CSGALNACT1: variants seen among roughly 807,000 people sequenced by gnomAD.
CSGALNACT1 encodes beta4GalNAcT-1.
Under a neutral mutation model 51.0 loss-of-function variants are expected in CSGALNACT1, and 52 were observed. The ratio of observed to expected loss-of-function variants is 1.02; its 90% confidence interval spans 0.82 to 1.29. The LOEUF is 1.29. Among genes scored for constraint, CSGALNACT1 ranks in the 50% most tolerant of loss-of-function variants. The pLI is 0.00. For missense variants in CSGALNACT1, 935 were observed against 679.2 expected, an observed-to-expected ratio of 1.38 and a Z score of -4.19; for synonymous variants, 341 against 254.4, an observed-to-expected ratio of 1.34 and a Z score of -3.24.
At chr8:19,544,289 A>G (rs1291364179) in intron 3 of CSGALNACT1, among the ~76,000 whole-genome samples, 1 of 152,164 alleles carries the variant, frequency 6.6e-6, no homozygotes, top group Non-Finnish European at 1.5e-5. Context: ...CTCTAATCCA[A>G]TCTTAAGGAA....
At chr8:19,664,961 A>G (rs1458208348) in intron 1 of CSGALNACT1, among the ~76,000 whole-genome samples, 1 of 152,228 alleles carries the variant, frequency 6.6e-6, no homozygotes, top group African/African-American at 2.4e-5. Context: ...TGGCTACAGT[A>G]AAAGTACAGA....
chr8:19,653,654 T>C (rs888834462), intron 1 of CSGALNACT1, among the ~76,000 whole-genome samples: 3 of 152,064 alleles, frequency 2.0e-5, no homozygotes, highest in African/African-American at 7.2e-5. Flanking sequence ...AATTTGTGGG[T>C]GTGGTGACAC....
intron 6 of CSGALNACT1, among the ~76,000 whole-genome samples, chr8:19,429,550 A>G (rs569158552): frequency 6.6e-6 from 1 of 152,254 alleles, no homozygotes; most frequent in South Asian, 2.1e-4. Context: ...TGCAGCATAC[A>G]TTAGTACTTC....
intron 4 of CSGALNACT1, among the ~76,000 whole-genome samples, chr8:19,498,322 C>A (rs2075826295): frequency 6.6e-6 from 1 of 152,166 alleles, no homozygotes; most frequent in Non-Finnish European, 1.5e-5. Context: ...GGTGCAGGAC[C>A]ACATCCACAA....
chr8:19,453,651 C>T (rs1012301226), intron 5 of CSGALNACT1, among the ~76,000 whole-genome samples: 2 of 152,194 alleles, frequency 1.3e-5, no homozygotes, highest in Non-Finnish European at 1.5e-5. Context: ...GTGGCTCACA[C>T]TTATAATCCC....
intron 1 of CSGALNACT1, among the ~76,000 whole-genome samples, chr8:19,724,426 T>A (rs894469725): frequency 2.6e-5 from 4 of 152,242 alleles, no homozygotes; most frequent in African/African-American, 4.8e-5. Context: ...AATGGCTGGC[T>A]GAGTTTTTCT....
At position 19,508,151 on chromosome 8, in the gene CSGALNACT1, A is replaced by C. The variant is rs545396804; in HGVS notation, c.-296-2021T>G. On this transcript the variant is annotated intron_variant, in intron 3 of 9. Transcript: ENST00000454498. Reference sequence around the variant, plus strand: ...ACCGATGAGAAGAAGAGCTCAGCCCAGTCAATTCACACGTTCAGGACCCTT... The same window carrying C: ...ACCGATGAGAAGAAGAGCTCAGCCCCGTCAATTCACACGTTCAGGACCCTT... Among the ~76,000 whole-genome samples the C allele has an allele frequency of 1.7e-3, 257 of 152,382 alleles. 2 individuals are homozygous for C. Among genetic ancestry groups the C allele is most frequent in the Admixed American group, 3.6e-3 (55 of 15,310 alleles).
intron 4 of CSGALNACT1, 37 bp from the exon 4 acceptor site, chr8:19,458,679 A>C (rs764741675): frequency 3.1e-6 from 5 of 1,598,326 alleles, no homozygotes; most frequent in Non-Finnish European, 3.4e-6. Flanking sequence ...AGTTCTAAAA[A>C]TTAACCTTGG....
At chr8:19,414,549 C>G (rs1419469310) in intron 8 of CSGALNACT1, among the ~76,000 whole-genome samples, 1 of 151,786 alleles carries the variant, frequency 6.6e-6, no homozygotes, top group East Asian at 1.9e-4. Flanking sequence ...TGAATTACTG[C>G]TGGTCTATAC....
intron 1 of CSGALNACT1, among the ~76,000 whole-genome samples, chr8:19,703,743 T>C (rs531570256): frequency 1.3e-5 from 2 of 152,348 alleles, no homozygotes; most frequent in East Asian, 1.9e-4. Context: ...GTCTCCCTGA[T>C]TGATACAAAG....
Position 19,474,869 on chromosome 8 carries a change from G to GAA in CSGALNACT1, c.635-16229_635-16228dup, listed in dbSNP as rs10683237. Reference sequence around the variant, plus strand: ...GCAATAAGAGTGAAACTCTGTCTCAGAAAAAAAAAAAAAAAAAGAAAAAAA... The same window carrying GAA: ...GCAATAAGAGTGAAACTCTGTCTCAGAAAAAAAAAAAAAAAAAAAGAAAAAAA... On this transcript the variant is annotated intron_variant, in intron 4 of 9. Coordinates refer to ENST00000454498, the Ensembl canonical transcript of CSGALNACT1. Among the ~76,000 whole-genome samples the GAA allele has an allele frequency of 5.8e-3, 502 of 86,158 alleles. 19 individuals are homozygous for GAA. Among genetic ancestry groups the GAA allele is most frequent in the Middle Eastern group, 0.033 (3 of 92 alleles). 56.5% of individuals were successfully genotyped at this position (86,158 alleles called of 152,430 possible). A position where few individuals can be genotyped will look rare whatever the true frequency, so the allele number is the denominator to read the frequency against.
At chr8:19,677,201 T>G (rs1439960394) in intron 1 of CSGALNACT1, among the ~76,000 whole-genome samples, 1 of 152,158 alleles carries the variant, frequency 6.6e-6, no homozygotes, top group East Asian at 1.9e-4. Flanking sequence ...CTTGAGTTTT[T>G]GGGCTCAAGT....
At chr8:19,752,158 CAT>C (rs1314231134) in intron 1 of CSGALNACT1, among the ~76,000 whole-genome samples, 46 of 146,446 alleles carry the variant, frequency 3.1e-4, no homozygotes, top group African/African-American at 6.5e-4. Flanking sequence ...TATGACATAT[CAT>C]ATATGAGTAT....
At chr8:19,688,145 G>C (rs1428349767) in intron 1 of CSGALNACT1, among the ~76,000 whole-genome samples, 1 of 152,158 alleles carries the variant, frequency 6.6e-6, no homozygotes, top group African/African-American at 2.4e-5. Context: ...GACTAGATCA[G>C]TATTTGGTCC....
At chr8:19,573,980 A>G (rs1015203193) in intron 3 of CSGALNACT1, among the ~76,000 whole-genome samples, 14 of 152,186 alleles carry the variant, frequency 9.2e-5, no homozygotes, top group African/African-American at 3.4e-4. Flanking sequence ...GATTGCAGTG[A>G]TGCTATGACG....
chr8:19,623,696 C>CCAGGTGTTT (rs1484027731), intron 1 of CSGALNACT1, among the ~76,000 whole-genome samples: 5 of 152,162 alleles, frequency 3.3e-5, no homozygotes, highest in Non-Finnish European at 7.4e-5. Context: ...TGGAAAATCC[C>CCAGGTGTTT]CAGGTGTTTG....
intron 3 of CSGALNACT1, among the ~76,000 whole-genome samples, chr8:19,525,910 G>C (rs1317366403): frequency 1.3e-5 from 2 of 152,132 alleles, no homozygotes; most frequent in Non-Finnish European, 2.9e-5. Flanking sequence ...CCACTGCTCT[G>C]TCCTATATAA....
chr8:19,674,449 A>G (rs1002976755), intron 1 of CSGALNACT1, among the ~76,000 whole-genome samples: 1 of 152,180 alleles, frequency 6.6e-6, no homozygotes, highest in Admixed American at 6.5e-5. Context: ...GGAAGAAGGA[A>G]AAAGACCCTG....
chr8:19,514,476 T>TATATATATATATATATATATAC (rs2079092897), intron 3 of CSGALNACT1, among the ~76,000 whole-genome samples: 1 of 14,376 alleles, frequency 7.0e-5, no homozygotes, highest in Non-Finnish European at 1.2e-4. Flanking sequence ...GAACAGAGAC[T>TATATATATATATATATATATAC]ATATATATAT....
Sources: gnomAD v4.1 joint callset for allele counts (sites outside exome capture counted in the v4.1 genomes callset) on GRCh38, gnomAD v4.1.1 for gene constraint, MANE v1.5 for transcripts, NCBI Gene and HGNC (gene_info 2026-07-23, HGNC 2026-07-21) for gene names.